The following IGSF9B variants were observed in gnomAD, a reference collection of about 807,000 sequenced individuals.
The protein encoded by IGSF9B is immunoglobulin superfamily member 9B.
Under a neutral mutation model 143.7 loss-of-function variants are expected in IGSF9B, and 48 were observed. The ratio of observed to expected loss-of-function variants is 0.33; its 90% CI spans 0.26 to 0.42. The LOEUF is 0.42. IGSF9B is among the 20% of genes least tolerant of loss of function. The probability of loss-of-function intolerance (pLI) is 1.00; values close to 1 mark genes in which losing one functional copy is unlikely to be tolerated. For missense variants in IGSF9B, 1,706 were observed against 1,980.0 expected, an observed-to-expected ratio of 0.86 and a Z score of 2.63; for synonymous variants, 903 against 833.1, an observed-to-expected ratio of 1.08 and a Z score of -1.44.
In IGSF9B at chr11:133,917,979, CAGGCTGGCG is replaced by C. The variant is rs1241209101; in HGVS notation, c.3983+1754_3983+1762del. Among the ~76,000 whole-genome samples the C allele has an allele frequency of 7.6e-5, 11 of 145,462 alleles. No individual in the cohort carries two copies. The East Asian group carries it at 8.2e-4, about 11-fold the overall frequency. Reference sequence around the variant, plus strand: ...TGGGAGGCCCTGGGTGTACTGGCAGCAGGCTGGCGAGGCTGGCGAGGAGTGAGGAGAGCC... The same window carrying C: ...TGGGAGGCCCTGGGTGTACTGGCAGCAGGCTGGCGAGGAGTGAGGAGAGCC... On this transcript the variant is annotated intron_variant, in intron 18 of 19. Transcript: ENST00000533871.
rs1452469401 is a variant in IGSF9B, at chr11:133,913,622, C to T, written c.3984-1615G>A. 3.3e-5 allele frequency among the ~76,000 whole-genome samples: 5 copies of T among 152,192 alleles called. No individual in the cohort carries two copies. Among genetic ancestry groups the T allele is most frequent in the Non-Finnish European group, 7.3e-5 (5 of 68,030 alleles). On this transcript the variant is annotated intron_variant, in intron 18 of 19. Coordinates refer to ENST00000533871, the MANE Select transcript of IGSF9B (RefSeq NM_001277285.4). This position sits in a 1 kb window ranked among gnomAD's most constrained non-coding sequence, Gnocchi z 4.6. ...AGAGCTAAGAAGGCTACACAGGGTC[C>T]CTCAGGTGCACACACAGGCACACAC...
At position 133,903,751 on chromosome 11, in the gene IGSF9B, G is replaced by T. The variant is rs567279589; in HGVS notation, c.*5318C>A. The stretch of plus-strand genomic sequence containing the variant: ...GGGGTTATTATACTTGCTCCTGAAA[G>T]AAGGTTTTGAGAGTACAGACAGGAA... On this transcript the variant is annotated 3_prime_UTR_variant, in exon 20 of 20. Transcript: ENST00000533871. Among the ~76,000 whole-genome samples the T allele has an allele frequency of 6.6e-6, 1 of 152,184 alleles. No individual in the cohort carries two copies. Among genetic ancestry groups the T allele is most frequent in the East Asian group, 1.9e-4 (1 of 5,188 alleles).
chr11:133,930,773 C>T (rs1346517282), intron 11 of IGSF9B, among the ~76,000 whole-genome samples: 1 of 152,228 alleles, frequency 6.6e-6, no homozygotes, highest in African/African-American at 2.4e-5. Flanking sequence ...GAAAGACCTC[C>T]CTGAGGACAG....
chr11:133,910,771 G>A (rs776779268), intron 19 of IGSF9B, among the ~76,000 whole-genome samples: 10 of 152,130 alleles, frequency 6.6e-5, no homozygotes, highest in African/African-American at 1.9e-4. Flanking sequence ...GACAATGCAG[G>A]TCTCTGATGT....
Position 133,925,834 on chromosome 11 carries a change from A to C in IGSF9B, c.1939T>G (p.Tyr647Asp). The C allele has an allele frequency of 6.2e-7, 1 of 1,613,898 alleles. No individual in the cohort carries two copies. Among genetic ancestry groups the C allele is most frequent in the Non-Finnish European group, 8.5e-7 (1 of 1,179,872 alleles). Residue 647 changes from tyrosine to aspartate, a missense_variant, in exon 14 of 20, where the codon TAC becomes GAC. Physicochemically the swap from Tyr to Asp is radical, Grantham distance 160 (BLOSUM62 -3). Coordinates refer to ENST00000533871, the MANE Select transcript of IGSF9B (RefSeq NM_001277285.4). Reference sequence around the variant, plus strand: ...TCTGCGACACGGAACTCCATGATGTAGCGGTCGATGGGAAAGCTGTGGTTG... The same window carrying C: ...TCTGCGACACGGAACTCCATGATGTCGCGGTCGATGGGAAAGCTGTGGTTG... ...PANHSFPIDR[Y>D]IMEFRVAERW... is the part of the protein sequence containing the mutation.
At position 133,908,788 on chromosome 11, in the gene IGSF9B, TC is replaced by T; in HGVS notation, c.*280del. Reference sequence around the variant, plus strand: ...AAGACATTGGAAGAGATGAGAAAAATCAACCTAGTGAAGCAGGGGGCGGAGG... The same window carrying T: ...AAGACATTGGAAGAGATGAGAAAAATAACCTAGTGAAGCAGGGGGCGGAGG... On this transcript the variant is annotated 3_prime_UTR_variant, in exon 20 of 20. Coordinates refer to ENST00000533871, the MANE Select transcript of IGSF9B (RefSeq NM_001277285.4). 1 of 378,798 alleles carries T rather than the reference TC, an allele frequency of 2.6e-6. No homozygotes were observed. Among genetic ancestry groups the T allele is most frequent in the South Asian group, 5.4e-5 (1 of 18,634 alleles). 23.5% of individuals were successfully genotyped at this position (378,798 alleles called of 1,614,324 possible). A position where few individuals can be genotyped will look rare whatever the true frequency, so the allele number is the denominator to read the frequency against.
In IGSF9B at chr11:133,903,049, A is replaced by C. The variant is rs540030140; in HGVS notation, c.*6020T>G. On this transcript the variant is annotated 3_prime_UTR_variant, in exon 20 of 20. Coordinates refer to ENST00000533871, the MANE Select transcript of IGSF9B (RefSeq NM_001277285.4). ...TCCGAGATTCCCTGCCCCTCCCACC[A>C]CCTCCCCATCGTAAACCACGCACAT... Among the ~76,000 whole-genome samples, 2 of 132,912 alleles carry C rather than the reference A, an allele frequency of 1.5e-5. No homozygotes were observed. Among genetic ancestry groups the C allele is most frequent in the African/African-American group, 2.9e-5 (1 of 34,574 alleles). The allele number at this position is 132,912 out of a possible 152,430, so 87.2% of individuals were successfully genotyped here.
Position 133,906,519 on chromosome 11 carries a change from T to C in IGSF9B, c.*2550A>G, listed in dbSNP as rs537263347. Among the ~76,000 whole-genome samples the C allele has an allele frequency of 7.0e-4, 106 of 152,296 alleles. 1 individual carries two copies. Among genetic ancestry groups the C allele is most frequent in the African/African-American group, 2.5e-3 (105 of 41,568 alleles). ...CAGCGAAAAGCACGGCTCCCCGCGT[T>C]GGGTCTACGTGCTGAGGTCATGGGC... On this transcript the variant is annotated 3_prime_UTR_variant, in exon 20 of 20. Coordinates refer to ENST00000533871, the MANE Select transcript of IGSF9B (RefSeq NM_001277285.4).
In IGSF9B at chr11:133,945,118, T is replaced by C. The variant is rs1156899870; in HGVS notation, c.263-752A>G. Among the ~76,000 whole-genome samples the C allele has an allele frequency of 6.6e-6, 1 of 152,072 alleles. No homozygotes were observed. The highest frequency in any genetic ancestry group is 1.5e-5 in the Non-Finnish European group (1 of 67,994). ...CATGTGGCAATGAGGAGGCCAGAGG[T>C]GCAGAAGCCTCTTCCATGACGCCAG... On this transcript the variant is annotated intron_variant, in intron 2 of 19. Transcript: ENST00000533871. The surrounding 1 kb of genome is among the most constrained non-coding windows in gnomAD (Gnocchi z 4.6).
Position 133,902,091 on chromosome 11 carries a change from C to G in IGSF9B, c.*6978G>C, listed in dbSNP as rs1208333847. 6.8e-6 allele frequency among the ~76,000 whole-genome samples: 1 copy of G among 147,338 alleles called. No individual in the cohort carries two copies. Among genetic ancestry groups the G allele is most frequent in the Non-Finnish European group, 1.5e-5 (1 of 66,776 alleles). ...ACACAATAACACACCACATACAATA[C>G]ACAAAACACATAGCACACACACACA... On this transcript the variant is annotated 3_prime_UTR_variant, in exon 20 of 20. Coordinates refer to ENST00000533871, the MANE Select transcript of IGSF9B (RefSeq NM_001277285.4).
chr11:133,951,084 G>C (rs964508489), intron 1 of IGSF9B, among the ~76,000 whole-genome samples: 1 of 152,084 alleles, frequency 6.6e-6, no homozygotes, highest in Admixed American at 6.5e-5. Context: ...CGGCAGACCC[G>C]GGGCTCTCAC....
chr11:133,933,750 G>A lies in IGSF9B; in HGVS notation c.968-1537C>T, dbSNP rs1269064894. On this transcript the variant is annotated intron_variant, in intron 7 of 19. Coordinates refer to ENST00000533871, the MANE Select transcript of IGSF9B (RefSeq NM_001277285.4). ...GTGACACAGCAGGACCCTGGCTCTC[G>A]GAGGAGCAACGAGAACCCCACACCT... Among the ~76,000 whole-genome samples, 28 of 152,004 alleles carry A rather than the reference G, an allele frequency of 1.8e-4. 1 individual carries two copies. Among genetic ancestry groups the A allele is most frequent in the Admixed American group, 1.4e-3 (22 of 15,258 alleles).
At chr11:133,919,657 G>A (rs1939471952) in intron 18 of IGSF9B, 85 bp downstream of exon 18, 3 of 881,482 alleles carry the variant, frequency 3.4e-6, no homozygotes, top group Non-Finnish European at 4.7e-6. Context: ...GTCGCCGGGC[G>A]GATGGACGGG....
rs1373549334 is a variant in IGSF9B at position 133,902,238 on chromosome 11, CCA to C, written c.*6829_*6830del. Among the ~76,000 whole-genome samples the C allele has an allele frequency of 6.8e-6, 1 of 146,876 alleles. No individual in the cohort carries two copies. Among genetic ancestry groups the C allele is most frequent in the African/African-American group, 2.5e-5 (1 of 39,700 alleles). Reference sequence around the variant, plus strand: ...CCACACGCAACATACACACACCAAACCACACTCAACACACCACACACACTGCA... The same window carrying C: ...CCACACGCAACATACACACACCAAACCACTCAACACACCACACACACTGCA... On this transcript the variant is annotated 3_prime_UTR_variant, in exon 20 of 20. Coordinates refer to ENST00000533871, the MANE Select transcript of IGSF9B (RefSeq NM_001277285.4).
At position 133,931,844 on chromosome 11, in the gene IGSF9B, G is replaced by A. The variant is rs146109292; in HGVS notation, c.1111-49C>T. 2.5e-3 allele frequency: 3,989 copies of A among 1,598,342 alleles called. 10 individuals carry two copies. Among genetic ancestry groups the A allele is most frequent in the Non-Finnish European group, 3.1e-3 (3,699 of 1,174,740 alleles). ...AGGGAACGCTGGTCAGAGACTCCGC[G>A]CTCCATCCCAGGCTGGGTCCCAGCT... On this transcript the variant is annotated intron_variant, in intron 8 of 19. Coordinates refer to ENST00000533871, the MANE Select transcript of IGSF9B (RefSeq NM_001277285.4). The surrounding 1 kb of genome is among the most constrained non-coding windows in gnomAD (Gnocchi z 7.7).
At chr11:133,911,168 T>C (rs554032845) in intron 19 of IGSF9B, among the ~76,000 whole-genome samples, 1 of 152,308 alleles carries the variant, frequency 6.6e-6, no homozygotes, top group Non-Finnish European at 1.5e-5. Flanking sequence ...CCTAAAACCA[T>C]TCATGAAAAG....
intron 1 of IGSF9B, 91 bp from the exon 2 acceptor site, chr11:133,946,349 C>T: frequency 8.8e-7 from 1 of 1,137,384 alleles, no homozygotes; most frequent in South Asian, 1.4e-5. Flanking sequence ...GGTCACCCCG[C>T]CCCCCACCAG....
At position 133,906,049 on chromosome 11, in the gene IGSF9B, A is replaced by C. The variant is rs966039419; in HGVS notation, c.*3020T>G. Among the ~76,000 whole-genome samples the C allele has an allele frequency of 1.3e-5, 2 of 151,920 alleles. No individual in the cohort carries two copies. The highest frequency in any genetic ancestry group is 2.9e-5 in the Non-Finnish European group (2 of 68,030). ...ATCTGAGACACAGAAGCAGGTTTAC[A>C]TCTGAGTCGTGTCTACTGCAAGGCC... On this transcript the variant is annotated 3_prime_UTR_variant, in exon 20 of 20. Transcript: ENST00000533871.
At chr11:133,934,495 A>G (rs663350) in intron 7 of IGSF9B, among the ~76,000 whole-genome samples, 150,453 of 152,354 alleles carry the variant, frequency 0.99, 74,296 homozygotes, top group East Asian at 1. Flanking sequence ...GTTGTCCTGG[A>G]CCTCACGGCT....
Sources: allele counts gnomAD v4.1 joint callset (sites outside exome capture counted in the v4.1 genomes callset), GRCh38; gene constraint gnomAD v4.1.1; non-coding constraint Gnocchi (gnomAD v3.1); transcripts MANE v1.5; gene names NCBI Gene and HGNC (gene_info 2026-07-23, HGNC 2026-07-21).